The following SYCP2 variants were observed in gnomAD, a reference collection of about 807,000 sequenced individuals.
SYCP2 encodes synaptonemal complex lateral element protein.
Under a neutral mutation model 211.3 loss-of-function variants are expected in SYCP2, and 55 were observed. The observed-to-expected ratio is 0.26, with a 90% confidence interval of 0.21 to 0.33. The LOEUF is 0.33. SYCP2 is among the 10% of genes least tolerant of loss of function. SYCP2 has a pLI of 1.00. For missense variants in SYCP2, 1,731 were observed against 1,752.0 expected (o/e 0.99, Z 0.21); for synonymous variants, 570 against 555.2 (o/e 1.03, Z -0.37).
intron 14 of SYCP2, 144 bp from the exon 15 acceptor site, chr20:59,907,568 C>T: frequency 1.7e-6 from 1 of 590,982 alleles, no homozygotes; most frequent in Non-Finnish European, 3.0e-6. Context: ...TTTCTTGCTC[C>T]ACCAATTAAC....
At chr20:59,914,774 A>T (rs1002292017) in intron 10 of SYCP2, among the ~76,000 whole-genome samples, 12 of 146,200 alleles carry the variant, frequency 8.2e-5, no homozygotes, top group African/African-American at 2.9e-4. Flanking sequence ...CTAATTTCAT[A>T]AAAAAATCTG....
Position 59,881,034 on chromosome 20 carries a change from A to G in SYCP2, c.2715-11T>C. 1 of 1,408,974 alleles carries G rather than the reference A, an allele frequency of 7.1e-7. No individual in the cohort carries two copies. The highest frequency in any genetic ancestry group is 9.8e-7 in the Non-Finnish European group (1 of 1,021,100). 87.3% of individuals were successfully genotyped at this position (1,408,974 alleles called of 1,614,324 possible). A position where few individuals can be genotyped will look rare whatever the true frequency, so the allele number is the denominator to read the frequency against. On this transcript the variant is annotated splice_polypyrimidine_tract_variant and intron_variant, in intron 29 of 44. Transcript: ENST00000357552. ...TTCCTTGGACCTACCCTTAAACAAA[A>G]ATATGTATTAATTAAAAAATACCCT...
At chr20:59,867,261 C>T (rs1044029565) in intron 39 of SYCP2, among the ~76,000 whole-genome samples, 2 of 151,190 alleles carry the variant, frequency 1.3e-5, no homozygotes, top group Admixed American at 1.3e-4. Context: ...TTTTAAAAAG[C>T]ATTTTTGCAT....
At chr20:59,916,408 TAAATTGTCA>T in intron 8 of SYCP2, 69 bp downstream of exon 8, 1 of 807,540 alleles carries the variant, frequency 1.2e-6, no homozygotes, top group South Asian at 1.6e-5. Flanking sequence ...CTACATGAAA[TAAATTGTCA>T]ATTTAATTGC....
intron 31 of SYCP2, among the ~76,000 whole-genome samples, chr20:59,880,058 G>A (rs1191996609): frequency 1.3e-5 from 2 of 150,968 alleles, no homozygotes; most frequent in African/African-American, 4.8e-5. Context: ...GAGTAGACAA[G>A]TGACGAAAAT....
chr20:59,900,355 G>T, intron 17 of SYCP2, 71 bp from the exon 18 acceptor site: 2 of 1,306,344 alleles, frequency 1.5e-6, no homozygotes, highest in Non-Finnish European at 2.1e-6. Flanking sequence ...ATCACTGGAT[G>T]TCTTAAGCTC....
At chr20:59,894,546 GACT>G (rs758618800) in intron 20 of SYCP2, among the ~76,000 whole-genome samples, 26 of 151,656 alleles carry the variant, frequency 1.7e-4, no homozygotes, top group African/African-American at 4.1e-4. Flanking sequence ...TTAACACCAA[GACT>G]ACTAAGCTTT....
Position 59,864,367 on chromosome 20 carries a change from C to G in SYCP2, c.4537G>C (p.Val1513Leu), listed in dbSNP as rs1269615637. 6.2e-7 allele frequency: 1 copy of G among 1,602,132 alleles called. No homozygotes were observed. The highest frequency in any genetic ancestry group is 8.5e-7 in the Non-Finnish European group (1 of 1,174,586). Reference sequence around the variant, plus strand: ...AATACTGACATCAGTTCTCTGCGTACATTAAGAAGCTCCTCTTCTAGCTAT... The same window carrying G: ...AATACTGACATCAGTTCTCTGCGTAGATTAAGAAGCTCCTCTTCTAGCTAT... Reference protein sequence around the residue: ...KDMLEEELLNVRRELMSVFMS... With the variant: ...KDMLEEELLNLRRELMSVFMS... The change falls in exon 45 of 45, where the codon GTA becomes CTA. Residue 1513 changes from valine to leucine, a missense_variant. Val to Leu is a conservative substitution (Grantham distance 32). Around this residue, in one of 3 missense-constraint regions of SYCP2, gnomAD observed 1,387 missense variants for 1,351.3 expected, o/e 1.03. Transcript: ENST00000357552.
chr20:59,912,838 G>T (rs2060356911), intron 12 of SYCP2, among the ~76,000 whole-genome samples: 1 of 152,172 alleles, frequency 6.6e-6, no homozygotes, highest in Admixed American at 6.5e-5. Context: ...GAGATCTGAT[G>T]GTTTTATCAG....
At position 59,866,005 on chromosome 20, in the gene SYCP2, G is replaced by A. The variant is rs6100629; in HGVS notation, c.4321-140C>T. On this transcript the variant is annotated intron_variant, in intron 41 of 44. Coordinates refer to ENST00000357552, the MANE Select transcript of SYCP2 (RefSeq NM_014258.4). ...CTATTATTACAAATTTAAATAAACA[G>A]TATGGCTATATGTTAAAAATATTCC... 1,211 of 461,746 alleles carry A rather than the reference G, an allele frequency of 2.6e-3. 12 individuals carry two copies. Among genetic ancestry groups the A allele is most frequent in the African/African-American group, 0.021 (1,046 of 49,040 alleles). The allele number at this position is 461,746 out of a possible 1,614,324, so 28.6% of individuals were successfully genotyped here.
At chr20:59,904,983 C>T (rs941155893) in intron 15 of SYCP2, among the ~76,000 whole-genome samples, 2 of 152,084 alleles carry the variant, frequency 1.3e-5, no homozygotes, top group South Asian at 2.1e-4. Context: ...AAAATAATCC[C>T]CTTCACCCTC....
chr20:59,867,684 T>C lies in SYCP2; in HGVS notation c.4125+27A>G, dbSNP rs752303378. 4 of 1,573,226 alleles carry C rather than the reference T, an allele frequency of 2.5e-6. No homozygotes were observed. The African/African-American group carries it at 4.1e-5, about 16-fold the overall frequency. On this transcript the variant is annotated intron_variant, in intron 39 of 44. Transcript: ENST00000357552. ...TGGCATATTATTATATTATTGGGTA[T>C]AAATCATAATTTAAAGAATAACTCA...
Position 59,915,445 on chromosome 20 carries a change from A to G in SYCP2, c.599+20T>C. 1 of 1,473,726 alleles carries G rather than the reference A, an allele frequency of 6.8e-7. No homozygotes were observed. The highest frequency in any genetic ancestry group is 9.4e-7 in the Non-Finnish European group (1 of 1,061,784). The allele number at this position is 1,473,726 out of a possible 1,614,324, so 91.3% of individuals were successfully genotyped here. The stretch of plus-strand genomic sequence containing the variant: ...CTTATGGATTTTAAGAATAAAAACC[A>G]TATAAGTACAGATTATTACATGAGA... On this transcript the variant is annotated intron_variant, in intron 9 of 44. Coordinates refer to ENST00000357552, the MANE Select transcript of SYCP2 (RefSeq NM_014258.4).
At chr20:59,885,682 G>A (rs1006738013) in intron 26 of SYCP2, among the ~76,000 whole-genome samples, 1 of 151,978 alleles carries the variant, frequency 6.6e-6, no homozygotes, top group Non-Finnish European at 1.5e-5. Context: ...AGGATATACT[G>A]AATCATATAC....
intron 14 of SYCP2, among the ~76,000 whole-genome samples, chr20:59,910,194 G>A (rs928236755): frequency 1.3e-5 from 2 of 151,920 alleles, no homozygotes; most frequent in Admixed American, 6.6e-5. Context: ...GAACAAGAGA[G>A]AATAAAGGGA....
At chr20:59,901,056 A>C (rs1450812523) in intron 16 of SYCP2, among the ~76,000 whole-genome samples, 1 of 152,086 alleles carries the variant, frequency 6.6e-6, no homozygotes, top group Non-Finnish European at 1.5e-5. Flanking sequence ...AAATACATCT[A>C]ATATTATGCA....
At chr20:59,865,785 C>T (rs6070978) in intron 42 of SYCP2, 22 bp downstream of exon 42, 47,866 of 1,269,540 alleles carry the variant, frequency 0.038, 1,600 homozygotes, top group African/African-American at 0.17. Flanking sequence ...TAGATTATAG[C>T]CATTAAGAAT....
intron 24 of SYCP2, among the ~76,000 whole-genome samples, chr20:59,891,504 A>G (rs2059904045): frequency 6.6e-6 from 1 of 151,722 alleles, no homozygotes; most frequent in Non-Finnish European, 1.5e-5. Context: ...CCATTCACAT[A>G]CTTTCTTGCA....
At chr20:59,926,173 G>A (rs2060631119) in intron 2 of SYCP2, among the ~76,000 whole-genome samples, 1 of 152,050 alleles carries the variant, frequency 6.6e-6, no homozygotes, top group African/African-American at 2.4e-5. Context: ...TGTGCCAACT[G>A]CCTCTGTAAC....
Sources: allele counts gnomAD v4.1 joint callset (sites outside exome capture counted in the v4.1 genomes callset), GRCh38; gene constraint gnomAD v4.1.1; regional missense constraint gnomAD v4.1.1; transcripts MANE v1.5; gene names NCBI Gene and HGNC (gene_info 2026-07-23, HGNC 2026-07-21).